The following OR52A1 variants were observed in gnomAD, a reference collection of about 807,000 sequenced individuals.
The protein encoded by OR52A1 is olfactory receptor family 52 subfamily A member 1.
Under a neutral mutation model 14.3 loss-of-function variants are expected in OR52A1, and 14 were observed. The observed-to-expected ratio is 0.98, with a 90% CI of 0.65 to 1.54. The LOEUF is 1.54. Ranked by LOEUF, OR52A1 falls within the 40% of genes most tolerant of loss-of-function variation. The pLI is 0.00. For missense variants in OR52A1, 405 were observed against 381.3 expected, an observed-to-expected ratio of 1.06 and a Z score of -0.52; for synonymous variants, 151 against 135.3, an observed-to-expected ratio of 1.12 and a Z score of -0.80.
At position 5,152,555 on chromosome 11, in the gene OR52A1, G is replaced by A. The variant is rs1170515507; in HGVS notation, c.-186C>T. 1.8e-6 allele frequency: 1 copy of A among 563,030 alleles called. No homozygotes were observed. The highest frequency in any genetic ancestry group is 2.9e-5 in the East Asian group (1 of 34,788). The allele number at this position is 563,030 out of a possible 1,614,324, so 34.9% of individuals were successfully genotyped here. ...GATGGATTCATGGAGATACATCACT[G>A]TTTTCAGGTGGGGCATTCACAGGCA... On this transcript the variant is annotated 5_prime_UTR_variant, in exon 2 of 2. Transcript: ENST00000380367.
rs1466443007 is a variant in OR52A1 at position 5,148,643 on chromosome 11, A to T, written c.*2788T>A. On this transcript the variant is annotated 3_prime_UTR_variant, in exon 2 of 2. Transcript: ENST00000380367. The stretch of plus-strand genomic sequence containing the variant: ...ATGCCTGAAGTCACTTCTACTAGAA[A>T]ATGCCAATAGCCTATTGGAAATCCT... 2 of 152,188 alleles carry T rather than the reference A, an allele frequency of 1.3e-5. No homozygotes were observed. Among genetic ancestry groups the T allele is most frequent in the Non-Finnish European group, 2.9e-5 (2 of 68,034 alleles). 9.4% of individuals were successfully genotyped at this position (152,188 alleles called of 1,614,324 possible). A position where few individuals can be genotyped will look rare whatever the true frequency, so the allele number is the denominator to read the frequency against.
chr11:5,148,978 C>T lies in OR52A1; in HGVS notation c.*2453G>A, dbSNP rs1846513332. On this transcript the variant is annotated 3_prime_UTR_variant, in exon 2 of 2. Coordinates refer to ENST00000380367, the MANE Select transcript of OR52A1 (RefSeq NM_012375.3). Reference sequence around the variant, plus strand: ...TCATTGTTGAAATTGATGTAATCTCCTGGAAGTTAATTTTATGATTTCTAG... The same window carrying T: ...TCATTGTTGAAATTGATGTAATCTCTTGGAAGTTAATTTTATGATTTCTAG... 6.6e-6 allele frequency: 1 copy of T among 152,130 alleles called. No individual in the cohort carries two copies. The highest frequency in any genetic ancestry group is 1.5e-5 in the Non-Finnish European group (1 of 68,024). The allele number at this position is 152,130 out of a possible 1,614,324, so 9.4% of individuals were successfully genotyped here. A position where few individuals can be genotyped will look rare whatever the true frequency, so the allele number is the denominator to read the frequency against.
At position 5,151,299 on chromosome 11, in the gene OR52A1, A is replaced by C. The variant is rs1846536333; in HGVS notation, c.*132T>G. 1 of 721,478 alleles carries C rather than the reference A, an allele frequency of 1.4e-6. No individual in the cohort carries two copies. Among genetic ancestry groups the C allele is most frequent in the African/African-American group, 1.8e-5 (1 of 56,690 alleles). The allele number at this position is 721,478 out of a possible 1,614,324, so 44.7% of individuals were successfully genotyped here. ...ATCCCACTGATTGATATGAGCCATG[A>C]TGATCTAAAACCAGCTATTGTGCTG... On this transcript the variant is annotated 3_prime_UTR_variant, in exon 2 of 2. Coordinates refer to ENST00000380367, the MANE Select transcript of OR52A1 (RefSeq NM_012375.3).
chr11:5,151,340 C>T lies in OR52A1; in HGVS notation c.*91G>A, dbSNP rs1429608720. The T allele has an allele frequency of 9.2e-7, 1 of 1,088,032 alleles. No homozygotes were observed. The highest frequency in any genetic ancestry group is 1.3e-6 in the Non-Finnish European group (1 of 747,780). The allele number at this position is 1,088,032 out of a possible 1,614,324, so 67.4% of individuals were successfully genotyped here. ...TATTGTGCTGGCAGATTTCACAAAC[C>T]CAGCATCTCAAATAATATGTTTTTT... On this transcript the variant is annotated 3_prime_UTR_variant, in exon 2 of 2. Coordinates refer to ENST00000380367, the MANE Select transcript of OR52A1 (RefSeq NM_012375.3).
rs1468547335 is a variant in OR52A1, at chr11:5,151,741, G to C, written c.629C>G (p.Ala210Gly). The change falls in exon 2 of 2, where the codon GCA becomes GGA. Residue 210 changes from alanine to glycine, a missense_variant. By Grantham distance (60) the Ala-to-Gly change is moderately conservative. Transcript: ENST00000380367. ...IYGLFVAFTVAGFDLTFITLS... is the reference protein window; with the variant it reads ...IYGLFVAFTVGGFDLTFITLS... Reference sequence around the variant, plus strand: ...TGTGATGAATGTGAGGTCAAATCCTGCTACAGTGAAGGCCACAAACAAACC... The same window carrying C: ...TGTGATGAATGTGAGGTCAAATCCTCCTACAGTGAAGGCCACAAACAAACC... The C allele has an allele frequency of 1.2e-6, 2 of 1,614,176 alleles. No homozygotes were observed. Among genetic ancestry groups the C allele is most frequent in the South Asian group, 2.2e-5 (2 of 91,078 alleles).
rs1435697952 is a variant in OR52A1, at chr11:5,152,320, A to G, written c.50T>C (p.Val17Ala). The G allele has an allele frequency of 2.2e-5, 35 of 1,613,572 alleles. No individual in the cohort carries two copies. The highest frequency in any genetic ancestry group is 2.8e-5 in the Non-Finnish European group (33 of 1,179,694). ...TVYMPSVLTL[V>A]GIPGLESVQC... ...CACAGATTCTAGGCCTGGGATCCCTACTAGTGTCAACACAGAGGGCATGTA... is the reference window on the plus strand; with the variant it reads ...CACAGATTCTAGGCCTGGGATCCCTGCTAGTGTCAACACAGAGGGCATGTA... Residue 17 changes from valine (V) to alanine (A), a missense_variant, in exon 2 of 2, where the codon GTA (valine) becomes GCA (alanine). Val to Ala is a moderately conservative substitution (Grantham distance 64). Coordinates refer to ENST00000380367, the MANE Select transcript of OR52A1 (RefSeq NM_012375.3).
Position 5,151,986 on chromosome 11 carries a change from G to A in OR52A1, c.384C>T (p.Ile128=). 1.2e-6 allele frequency: 2 copies of A among 1,614,064 alleles called. No individual in the cohort carries two copies. The highest frequency in any genetic ancestry group is 1.1e-5 in the South Asian group (1 of 91,084). The part of the protein sequence containing the change: ...VAMALDRYVA[I]CYPLRHANIF... ...TGTTGGCATGTCTTAGTGGATAACA[G>A]ATGGCCACATAACGGTCCAGGGCCA... Residue 128 remains isoleucine, a synonymous_variant, in exon 2 of 2, where the codon ATC becomes ATT. Transcript: ENST00000380367.
At position 5,151,995 on chromosome 11, in the gene OR52A1, A is replaced by G. The variant is rs1846549193; in HGVS notation, c.375T>C (p.Tyr125=). ...GTCTTAGTGGATAACAGATGGCCACATAACGGTCCAGGGCCATGGCCACAA... is the reference window on the plus strand; with the variant it reads ...GTCTTAGTGGATAACAGATGGCCACGTAACGGTCCAGGGCCATGGCCACAA... ...GILVAMALDR[Y]VAICYPLRHA... is the part of the protein sequence containing the mutation. Residue 125 remains tyrosine, a synonymous_variant, in exon 2 of 2, where the codon TAT becomes TAC. Transcript: ENST00000380367. 1 of 1,614,110 alleles carries G rather than the reference A, an allele frequency of 6.2e-7. No homozygotes were observed.
In OR52A1 at chr11:5,151,967, C is replaced by A; in HGVS notation, c.403G>T (p.Ala135Ser). 1 of 1,614,000 alleles carries A rather than the reference C, an allele frequency of 6.2e-7. No homozygotes were observed. Among genetic ancestry groups the A allele is most frequent in the South Asian group, 1.1e-5 (1 of 91,070 alleles). The change falls in exon 2 of 2, where the codon GCC becomes TCC. Residue 135 changes from alanine (A) to serine (S), a missense_variant. Ala to Ser is a moderately conservative substitution (Grantham distance 99, BLOSUM62 1). Coordinates refer to ENST00000380367, the MANE Select transcript of OR52A1 (RefSeq NM_012375.3). ...YVAICYPLRH[A>S]NIFTHQLVIQ... ...ACAAGCTGGTGGGTGAAGATGTTGG[C>A]ATGTCTTAGTGGATAACAGATGGCC...
rs889428200 is a variant in OR52A1, at chr11:5,148,289, C to T, written c.*3142G>A. Reference sequence around the variant, plus strand: ...CACCCAGGCTGGAGTGCAGTGGCACCATCTCGGGTCACCGCAACCTCCGCC... The same window carrying T: ...CACCCAGGCTGGAGTGCAGTGGCACTATCTCGGGTCACCGCAACCTCCGCC... On this transcript the variant is annotated 3_prime_UTR_variant, in exon 2 of 2. Coordinates refer to ENST00000380367, the MANE Select transcript of OR52A1 (RefSeq NM_012375.3). 6.6e-6 allele frequency: 1 copy of T among 150,634 alleles called. No individual in the cohort carries two copies. Among genetic ancestry groups the T allele is most frequent in the African/African-American group, 2.4e-5 (1 of 40,866 alleles). The allele number at this position is 150,634 out of a possible 1,614,324, so 9.3% of individuals were successfully genotyped here. A position where few individuals can be genotyped will look rare whatever the true frequency, so the allele number is the denominator to read the frequency against.
chr11:5,151,678 A>G lies in OR52A1; in HGVS notation c.692T>C (p.Leu231Ser), dbSNP rs772872399. The G allele has an allele frequency of 1.2e-6, 2 of 1,614,170 alleles. No homozygotes were observed. The highest frequency in any genetic ancestry group is 2.2e-5 in the East Asian group (1 of 44,888). ...TTTAAACCTAGCCTCCTTCTGGGGCAAACGAAAAACTGTGATAAATATCTG... is the reference window on the plus strand; with the variant it reads ...TTTAAACCTAGCCTCCTTCTGGGGCGAACGAAAAACTGTGATAAATATCTG... ...YIQIFITVFR[L>S]PQKEARFKAF... is the part of the protein sequence containing the mutation. The change falls in exon 2 of 2, where the codon TTG becomes TCG. Residue 231 changes from leucine to serine, a missense_variant. Coordinates refer to ENST00000380367, the MANE Select transcript of OR52A1 (RefSeq NM_012375.3).
Position 5,151,324 on chromosome 11 carries a change from G to C in OR52A1, c.*107C>G. 1.1e-6 allele frequency: 1 copy of C among 891,036 alleles called. No homozygotes were observed. Among genetic ancestry groups the C allele is most frequent in the Non-Finnish European group, 1.8e-6 (1 of 569,790 alleles). The allele number at this position is 891,036 out of a possible 1,614,324, so 55.2% of individuals were successfully genotyped here. ...ATGATCTAAAACCAGCTATTGTGCT[G>C]GCAGATTTCACAAACCCAGCATCTC... On this transcript the variant is annotated 3_prime_UTR_variant, in exon 2 of 2. Coordinates refer to ENST00000380367, the MANE Select transcript of OR52A1 (RefSeq NM_012375.3).
Position 5,150,434 on chromosome 11 carries a change from A to G in OR52A1, c.*997T>C, listed in dbSNP as rs1435451507. The G allele has an allele frequency of 6.6e-6, 1 of 152,240 alleles. No homozygotes were observed. Among genetic ancestry groups the G allele is most frequent in the African/African-American group, 2.4e-5 (1 of 41,464 alleles). 9.4% of individuals were successfully genotyped at this position (152,240 alleles called of 1,614,324 possible). On this transcript the variant is annotated 3_prime_UTR_variant, in exon 2 of 2. Transcript: ENST00000380367. ...GAAAAAACTAGAGTTACCTTAAACT[A>G]CATTATCTAGTTTAAATCTCCTCTA...
rs1157273782 is a variant in OR52A1 at position 5,151,090 on chromosome 11, G to A, written c.*341C>T. 2 of 174,080 alleles carry A rather than the reference G, an allele frequency of 1.1e-5. No homozygotes were observed. Among genetic ancestry groups the A allele is most frequent in the Admixed American group, 1.2e-4 (2 of 17,344 alleles). The allele number at this position is 174,080 out of a possible 1,614,324, so 10.8% of individuals were successfully genotyped here. A position where few individuals can be genotyped will look rare whatever the true frequency, so the allele number is the denominator to read the frequency against. On this transcript the variant is annotated 3_prime_UTR_variant, in exon 2 of 2. Coordinates refer to ENST00000380367, the MANE Select transcript of OR52A1 (RefSeq NM_012375.3). The stretch of plus-strand genomic sequence containing the variant: ...TTTCATTGAGTCCCTGGATGTTTCA[G>A]AACAACGAGCCTTAGGTGCATTTAA...
In OR52A1 at chr11:5,149,554, CAA is replaced by C. The variant is rs1846519479; in HGVS notation, c.*1875_*1876del. 6.6e-6 allele frequency: 1 copy of C among 151,922 alleles called. No individual in the cohort carries two copies. Among genetic ancestry groups the C allele is most frequent in the African/African-American group, 2.4e-5 (1 of 41,350 alleles). The allele number at this position is 151,922 out of a possible 1,614,324, so 9.4% of individuals were successfully genotyped here. On this transcript the variant is annotated 3_prime_UTR_variant, in exon 2 of 2. Coordinates refer to ENST00000380367, the MANE Select transcript of OR52A1 (RefSeq NM_012375.3). The stretch of plus-strand genomic sequence containing the variant: ...TTAGTAGACCTTCTTTAATTAAAGA[CAA>C]TGCAATTATTATTGTTAATATTGTT...
intron 1 of OR52A1, among the ~76,000 whole-genome samples, chr11:5,154,146 C>A (rs1048855774): frequency 3.9e-5 from 6 of 152,098 alleles, no homozygotes; most frequent in Non-Finnish European, 8.8e-5. Flanking sequence ...CAAAGATAAT[C>A]ACAATTAGAA....
rs919199987 is a variant in OR52A1 at position 5,154,620 on chromosome 11, C to T, written c.-495G>A. The T allele has an allele frequency of 1.3e-5, 2 of 152,142 alleles. No individual in the cohort carries two copies. The highest frequency in any genetic ancestry group is 4.1e-4 in the South Asian group (2 of 4,820). The allele number at this position is 152,142 out of a possible 1,614,324, so 9.4% of individuals were successfully genotyped here. On this transcript the variant is annotated 5_prime_UTR_variant, in exon 1 of 2. Coordinates refer to ENST00000380367, the MANE Select transcript of OR52A1 (RefSeq NM_012375.3). ...TATACTGTGGACATTTTGCAGATGA[C>T]TTTTTACACTTTTCATTTATCTCTA...
At position 5,149,693 on chromosome 11, in the gene OR52A1, A is replaced by C. The variant is rs1167645537; in HGVS notation, c.*1738T>G. On this transcript the variant is annotated 3_prime_UTR_variant, in exon 2 of 2. Coordinates refer to ENST00000380367, the MANE Select transcript of OR52A1 (RefSeq NM_012375.3). Reference sequence around the variant, plus strand: ...TTCCATAAAGCCTTAGCTATATATTATTTGGCCATTTATGTAAAAGTTTGC... The same window carrying C: ...TTCCATAAAGCCTTAGCTATATATTCTTTGGCCATTTATGTAAAAGTTTGC... The C allele has an allele frequency of 6.6e-6, 1 of 152,182 alleles. No individual in the cohort carries two copies. Among genetic ancestry groups the C allele is most frequent in the Non-Finnish European group, 1.5e-5 (1 of 68,024 alleles). 9.4% of individuals were successfully genotyped at this position (152,182 alleles called of 1,614,324 possible).
At position 5,146,837 on chromosome 11, in the gene OR52A1, G is replaced by A. The variant is rs368465913; in HGVS notation, c.*4594C>T. Reference sequence around the variant, plus strand: ...TGTGCAATTGTCATTGTGTATGTTAGTCTCAGACCTTGCATGGAGGCGACC... The same window carrying A: ...TGTGCAATTGTCATTGTGTATGTTAATCTCAGACCTTGCATGGAGGCGACC... On this transcript the variant is annotated 3_prime_UTR_variant, in exon 2 of 2. Coordinates refer to ENST00000380367, the MANE Select transcript of OR52A1 (RefSeq NM_012375.3). 3 of 152,148 alleles carry A rather than the reference G, an allele frequency of 2.0e-5. No individual in the cohort carries two copies. The highest frequency in any genetic ancestry group is 4.8e-5 in the African/African-American group (2 of 41,424). 9.4% of individuals were successfully genotyped at this position (152,148 alleles called of 1,614,324 possible).
Sources: allele counts gnomAD v4.1 joint callset (sites outside exome capture counted in the v4.1 genomes callset), GRCh38; gene constraint gnomAD v4.1.1; transcripts MANE v1.5; gene names NCBI Gene and HGNC (gene_info 2026-07-23, HGNC 2026-07-21).